Variants in PRKAG2 observed in about 807,000 individuals in gnomAD.
PRKAG2 encodes 5'-AMP-activated protein kinase subunit gamma-2.
PRKAG2 carries 26 observed loss-of-function variants against 69.6 expected under a neutral mutation model. The ratio of observed to expected loss-of-function variants is 0.37; its 90% CI spans 0.27 to 0.52. The LOEUF is 0.52. Ranked by LOEUF, PRKAG2 falls within the 20% of genes least tolerant of loss-of-function variation. PRKAG2 has a pLI of 0.90. For missense variants in PRKAG2, 557 were observed against 740.0 expected (o/e 0.75, Z 2.87); for synonymous variants, 293 against 285.0 (o/e 1.03, Z -0.28).
intron 3 of PRKAG2, among the ~76,000 whole-genome samples, chr7:151,702,587 G>A (rs1463088811): frequency 6.6e-6 from 1 of 152,234 alleles, no homozygotes; most frequent in Non-Finnish European, 1.5e-5. Flanking sequence ...TCTGTACACA[G>A]ACAAATGCAA....
At chr7:151,560,475 C>T in intron 15 of PRKAG2, 49 bp downstream of exon 15, 1 of 1,613,694 alleles carries the variant, frequency 6.2e-7, no homozygotes, top group Middle Eastern at 1.7e-4. Context: ...TGTTCTACCT[C>T]CCACCCTTCC....
chr7:151,660,674 A>G (rs1830184759), intron 4 of PRKAG2, among the ~76,000 whole-genome samples: 1 of 152,204 alleles, frequency 6.6e-6, no homozygotes, highest in Non-Finnish European at 1.5e-5. Context: ...ACCTGATTAT[A>G]CTATTAAGTG....
chr7:151,793,615 A>G (rs2077363357), intron 1 of PRKAG2, among the ~76,000 whole-genome samples: 1 of 152,134 alleles, frequency 6.6e-6, no homozygotes, highest in African/African-American at 2.4e-5. Context: ...GGAGTGGCTC[A>G]TAGGTTCTGA....
At chr7:151,821,035 G>T in intron 1 of PRKAG2, among the ~76,000 whole-genome samples, 1 of 152,418 alleles carries the variant, frequency 6.6e-6, no homozygotes, top group South Asian at 2.1e-4. Context: ...ACGGACCTCA[G>T]TCCCGGCCAG....
intron 1 of PRKAG2, among the ~76,000 whole-genome samples, chr7:151,864,009 C>T (rs140630650): frequency 8.2e-4 from 125 of 152,224 alleles, no homozygotes; most frequent in Middle Eastern, 3.4e-3. Flanking sequence ...TACAGAACAT[C>T]GCTTTGAGCC....
chr7:151,775,235 G>C (rs567927330), intron 3 of PRKAG2, among the ~76,000 whole-genome samples: 43 of 152,176 alleles, frequency 2.8e-4, no homozygotes, highest in Non-Finnish European at 4.4e-4. Context: ...CTGGTTCTTG[G>C]TCATTCTGTT....
intron 3 of PRKAG2, among the ~76,000 whole-genome samples, chr7:151,702,337 A>T (rs1333196903): frequency 6.6e-6 from 1 of 152,184 alleles, no homozygotes; most frequent in Non-Finnish European, 1.5e-5. Context: ...GGACATCAGT[A>T]GGCACACACT....
At chr7:151,662,813 A>G (rs893949525) in intron 4 of PRKAG2, among the ~76,000 whole-genome samples, 5 of 152,144 alleles carry the variant, frequency 3.3e-5, no homozygotes, top group African/African-American at 1.2e-4. Flanking sequence ...TACTCAGGAT[A>G]GCTTGAGCCC....
At chr7:151,688,252 C>T (rs1041710097) in intron 3 of PRKAG2, among the ~76,000 whole-genome samples, 1 of 152,180 alleles carries the variant, frequency 6.6e-6, no homozygotes, top group Non-Finnish European at 1.5e-5. Context: ...CCCCAGGTGG[C>T]CCATCCTGCC....
At chr7:151,603,011 CTATT>C (rs1293732988) in intron 5 of PRKAG2, among the ~76,000 whole-genome samples, 1 of 152,188 alleles carries the variant, frequency 6.6e-6, no homozygotes, top group African/African-American at 2.4e-5. Context: ...CTCAGGTAGC[CTATT>C]TAAAGCAGTG....
At chr7:151,598,096 T>C (rs1050977255) in intron 5 of PRKAG2, among the ~76,000 whole-genome samples, 3 of 152,128 alleles carry the variant, frequency 2.0e-5, no homozygotes, top group African/African-American at 7.2e-5. Context: ...AGAAACGTGG[T>C]ACCTATAAAC....
At chr7:151,868,465 C>T (rs1019994544) in intron 1 of PRKAG2, among the ~76,000 whole-genome samples, 5 of 152,236 alleles carry the variant, frequency 3.3e-5, no homozygotes, top group East Asian at 3.8e-4. Context: ...CATCTCAGAG[C>T]GAGTCACGGT....
intron 3 of PRKAG2, among the ~76,000 whole-genome samples, chr7:151,723,906 T>C (rs1797521445): frequency 6.6e-6 from 1 of 152,184 alleles, no homozygotes; most frequent in South Asian, 2.1e-4. Flanking sequence ...CCGTGAAGCC[T>C]GAAGCAGCTC....
intron 1 of PRKAG2, among the ~76,000 whole-genome samples, chr7:151,826,191 G>GT (rs5888454): frequency 0.036 from 5,441 of 149,744 alleles, 340 homozygotes; most frequent in African/African-American, 0.12. Flanking sequence ...TTTTGTTGTT[G>GT]TTTTTTTTTG....
At chr7:151,609,310 A>T (rs1288107380) in intron 5 of PRKAG2, among the ~76,000 whole-genome samples, 6 of 97,794 alleles carry the variant, frequency 6.1e-5, no homozygotes, top group Admixed American at 1.0e-4. Flanking sequence ...GAATTTATAT[A>T]AAAAAAATGT....
chr7:151,845,062 C>T (rs1391215252), intron 1 of PRKAG2, among the ~76,000 whole-genome samples: 1 of 149,558 alleles, frequency 6.7e-6, no homozygotes, highest in Non-Finnish European at 1.5e-5. Flanking sequence ...TGCTGGGAGA[C>T]ATCTGTCCCT....
At chr7:151,679,131 C>T (rs1833423608) in intron 3 of PRKAG2, among the ~76,000 whole-genome samples, 1 of 152,002 alleles carries the variant, frequency 6.6e-6, no homozygotes, top group Non-Finnish European at 1.5e-5. Context: ...GCAGGCAGGA[C>T]CACAAAAGGG....
At chr7:151,603,862 T>C (rs1816832299) in intron 5 of PRKAG2, among the ~76,000 whole-genome samples, 1 of 152,152 alleles carries the variant, frequency 6.6e-6, no homozygotes. Context: ...CCTACCTCCT[T>C]GTTTAAAATA....
chr7:151,633,146 G>A (rs1033708629), intron 4 of PRKAG2: 1 of 152,212 alleles, frequency 6.6e-6, no homozygotes, highest in African/African-American at 2.4e-5. Flanking sequence ...TTGCAAGCCG[G>A]GCCTGAAAGA....
Sources: gnomAD v4.1 joint callset for allele counts (sites outside exome capture counted in the v4.1 genomes callset) on GRCh38, gnomAD v4.1.1 for gene constraint, MANE v1.5 for transcripts, NCBI Gene and HGNC (gene_info 2026-07-23, HGNC 2026-07-21) for gene names.